The following SPTAN1 variants were observed in gnomAD, a reference collection of about 807,000 sequenced individuals.
SPTAN1 encodes the protein spectrin alpha, non-erythrocytic 1.
In SPTAN1, 61 loss-of-function variants were observed where a neutral mutation model predicts 331.3. The observed-to-expected ratio is 0.18, with a 90% CI of 0.15 to 0.23. The LOEUF is 0.23. SPTAN1 is among the 10% of genes least tolerant of loss of function. SPTAN1 has a pLI of 1.00. For missense variants in SPTAN1, 2,043 were observed against 3,147.9 expected (o/e 0.65, Z 8.40); for synonymous variants, 1,153 against 1,173.9 (o/e 0.98, Z 0.36).
intron 3 of SPTAN1, among the ~76,000 whole-genome samples, chr9:128,571,982 G>A (rs541986331): frequency 2.3e-4 from 35 of 152,204 alleles, no homozygotes; most frequent in African/African-American, 7.7e-4. Flanking sequence ...TCAGCCTCCC[G>A]AGTAGCCGGC....
At chr9:128,587,439 C>G (rs1852801989) in intron 19 of SPTAN1, among the ~76,000 whole-genome samples, 167 bp from the exon 20 acceptor site, 1 of 152,122 alleles carries the variant, frequency 6.6e-6, no homozygotes, top group African/African-American at 2.4e-5. Context: ...AGATGAGAAT[C>G]CTGAAAAACT....
At position 128,633,196 on chromosome 9, in the gene SPTAN1, T is replaced by C; in HGVS notation, c.7309-13T>C. 6.2e-7 allele frequency: 1 copy of C among 1,613,634 alleles called. No homozygotes were observed. Among genetic ancestry groups the C allele is most frequent in the Non-Finnish European group, 8.5e-7 (1 of 1,179,792 alleles). On this transcript the variant is annotated splice_polypyrimidine_tract_variant and intron_variant, in intron 56 of 56. Coordinates refer to ENST00000372739, the MANE Select transcript of SPTAN1 (RefSeq NM_001130438.3). The stretch of plus-strand genomic sequence containing the variant: ...GCTGGCTCAGGCACCAGGTGCCATC[T>C]CTTACCCCACAGAACCTGACCCGGG...
intron 25 of SPTAN1, 62 bp downstream of exon 25, chr9:128,598,566 G>T (rs1252139140): frequency 1.5e-6 from 2 of 1,323,034 alleles, no homozygotes; most frequent in Non-Finnish European, 2.1e-6. Context: ...TGTTCCTCTT[G>T]TGTCTGTCAT....
At chr9:128,632,040 C>A in intron 52 of SPTAN1, 87 bp from the exon 53 acceptor site, 1 of 1,415,066 alleles carries the variant, frequency 7.1e-7, no homozygotes, top group Non-Finnish European at 9.8e-7. Flanking sequence ...AGGCCTGGAG[C>A]AGGAACCAGA....
At chr9:128,595,235 G>C (rs1037958201) in intron 24 of SPTAN1, among the ~76,000 whole-genome samples, 6 of 151,986 alleles carry the variant, frequency 3.9e-5, no homozygotes, top group African/African-American at 4.8e-5. Flanking sequence ...TCAGCCACCC[G>C]AGTAGCTGGG....
chr9:128,594,124 A>G, intron 23 of SPTAN1, 51 bp from the exon 24 acceptor site: 4 of 1,586,686 alleles, frequency 2.5e-6, no homozygotes, highest in Non-Finnish European at 3.5e-6. Flanking sequence ...GTTAGCATCT[A>G]CAGCTAACTG....
chr9:128,577,277 G>T lies in SPTAN1; in HGVS notation c.930+4G>T. On this transcript the variant is annotated splice_donor_region_variant and intron_variant, in intron 7 of 56. Coordinates refer to ENST00000372739, the MANE Select transcript of SPTAN1 (RefSeq NM_001130438.3). The surrounding 1 kb of genome is among the most constrained non-coding windows in gnomAD (Gnocchi z 4.2). The stretch of plus-strand genomic sequence containing the variant: ...TCTTGCTGCTCTAGAAGACAAGGTG[G>T]GTTTTACAAGCAGCTGATTCTGTAA... The T allele has an allele frequency of 1.2e-6, 2 of 1,614,208 alleles. No homozygotes were observed. Among genetic ancestry groups the T allele is most frequent in the Non-Finnish European group, 1.7e-6 (2 of 1,180,032 alleles).
At chr9:128,587,753 AC>A (rs1340608569) in intron 20 of SPTAN1, 55 bp downstream of exon 20, 8 of 1,483,066 alleles carry the variant, frequency 5.4e-6, no homozygotes, top group Non-Finnish European at 7.5e-6. Context: ...GGACTCAGAT[AC>A]TGTCAGCAGG....
At position 128,632,920 on chromosome 9, in the gene SPTAN1, G is replaced by C. The variant is rs1378683072; in HGVS notation, c.7273G>C (p.Gly2425Arg). 1.2e-6 allele frequency: 2 copies of C among 1,613,462 alleles called. No individual in the cohort carries two copies. ...CGCCTTCCGGGCCCTCAGCTCAGAGGGAAAGCCTTACGTGACCAAGGAGGA... is the reference window on the plus strand; with the variant it reads ...CGCCTTCCGGGCCCTCAGCTCAGAGCGAAAGCCTTACGTGACCAAGGAGGA... Reference protein sequence around the residue: ...ESAFRALSSEGKPYVTKEELY... With the variant: ...ESAFRALSSERKPYVTKEELY... The change falls in exon 56 of 57, where the codon GGA becomes CGA. Residue 2425 changes from glycine (G) to arginine (R), a missense_variant. Gly to Arg is a moderately radical substitution (Grantham distance 125, BLOSUM62 -2). Coordinates refer to ENST00000372739, the MANE Select transcript of SPTAN1 (RefSeq NM_001130438.3).
rs760697173 is a variant in SPTAN1 at position 128,609,206 on chromosome 9, G to A, written c.4680G>A (p.Val1560=). 1 of 1,614,224 alleles carries A rather than the reference G, an allele frequency of 6.2e-7. No individual in the cohort carries two copies. Among genetic ancestry groups the A allele is most frequent in the Non-Finnish European group, 8.5e-7 (1 of 1,180,044 alleles). The change falls in exon 36 of 57, where the codon GTG becomes GTA. Residue 1560 remains valine, a synonymous_variant. Coordinates refer to ENST00000372739, the MANE Select transcript of SPTAN1 (RefSeq NM_001130438.3). ...SQTLQQFSRD[V]DEIEAWISEK... is the part of the protein sequence containing the mutation. ...CCCTCCAACAGTTCAGCCGGGATGT[G>A]GATGAGATTGAGGCTTGGATCAGTG...
In SPTAN1 at chr9:128,609,263, C is replaced by T. The variant is rs1856297432; in HGVS notation, c.4737C>T (p.Tyr1579=). 6.2e-7 allele frequency: 1 copy of T among 1,614,114 alleles called. No individual in the cohort carries two copies. Among genetic ancestry groups the T allele is most frequent in the African/African-American group, 1.3e-5 (1 of 74,938 alleles). ...EKLQTASDES[Y]KDPTNIQLSK... ...TGCAAACAGCGAGTGATGAGTCGTA[C>T]AAGGATCCCACCAACATCCAGGTAA... is the stretch of plus-strand genomic sequence containing the variant. Residue 1579 remains tyrosine (Y), a synonymous_variant, in exon 36 of 57, where the codon TAC becomes TAT. Coordinates refer to ENST00000372739, the MANE Select transcript of SPTAN1 (RefSeq NM_001130438.3).
chr9:128,627,624 G>A lies in SPTAN1; in HGVS notation c.6689+126G>A, dbSNP rs1192256761. 2.9e-6 allele frequency: 3 copies of A among 1,030,482 alleles called. No individual in the cohort carries two copies. The highest frequency in any genetic ancestry group is 4.4e-6 in the Non-Finnish European group (3 of 677,456). The allele number at this position is 1,030,482 out of a possible 1,614,324, so 63.8% of individuals were successfully genotyped here. Reference sequence around the variant, plus strand: ...CCAGAGGCAGCCTGGGAATAAAGCTGGGCTGGCAACGCCTGGTCGGGCTCT... The same window carrying A: ...CCAGAGGCAGCCTGGGAATAAAGCTAGGCTGGCAACGCCTGGTCGGGCTCT... On this transcript the variant is annotated intron_variant, in intron 50 of 56. Coordinates refer to ENST00000372739, the MANE Select transcript of SPTAN1 (RefSeq NM_001130438.3). The surrounding 1 kb of genome is among the most constrained non-coding windows in gnomAD (Gnocchi z 4.9).
rs536263217 is a variant in SPTAN1, at chr9:128,571,583, C to G, written c.363+2686C>G. Among the ~76,000 whole-genome samples, 438 of 152,038 alleles carry G rather than the reference C, an allele frequency of 2.9e-3. 2 individuals carry two copies. Among genetic ancestry groups the G allele is most frequent in the Non-Finnish European group, 5.6e-3 (383 of 67,998 alleles). On this transcript the variant is annotated intron_variant, in intron 3 of 56. Coordinates refer to ENST00000372739, the MANE Select transcript of SPTAN1 (RefSeq NM_001130438.3). ...TTGGGCAACAAGAGCGAAATTCTGT[C>G]TGAAAAAAGTAAAAAAATAAAATAA...
chr9:128,566,263 G>A (rs911968015), intron 1 of SPTAN1, among the ~76,000 whole-genome samples: 3 of 152,084 alleles, frequency 2.0e-5, no homozygotes, highest in Non-Finnish European at 2.9e-5. Flanking sequence ...TCACCTTGTT[G>A]CCCAGCTGCT....
intron 36 of SPTAN1, 89 bp downstream of exon 36, chr9:128,609,373 C>T: frequency 6.3e-7 from 1 of 1,577,570 alleles, no homozygotes; most frequent in East Asian, 2.2e-5. Flanking sequence ...AAACAATCTC[C>T]TTGCACCCAT....
chr9:128,621,100 C>T (rs1857792690), intron 44 of SPTAN1, 58 bp from the exon 45 acceptor site: 3 of 1,501,096 alleles, frequency 2.0e-6, no homozygotes, highest in Non-Finnish European at 2.8e-6. Context: ...GTCCCCGGGG[C>T]CTAGCCCACA....
chr9:128,559,000 CACTA>C lies in SPTAN1; in HGVS notation c.-4+6307_-4+6310del, dbSNP rs547200980. Among the ~76,000 whole-genome samples the C allele has an allele frequency of 7.9e-5, 12 of 152,310 alleles. No homozygotes were observed. In the South Asian group the frequency reaches 1.0e-3, roughly 13 times the overall value. On this transcript the variant is annotated intron_variant, in intron 1 of 56. Coordinates refer to ENST00000372739, the MANE Select transcript of SPTAN1 (RefSeq NM_001130438.3). ...GTCAGGTTAAGAGGGGGGAAACTCT[CACTA>C]ACCCATAATGTTTTTTGGTGTCTCC... is the stretch of plus-strand genomic sequence containing the variant.
At chr9:128,623,490 G>A (rs1858223577) in intron 45 of SPTAN1, among the ~76,000 whole-genome samples, 2 of 147,464 alleles carry the variant, frequency 1.4e-5, no homozygotes, top group African/African-American at 5.0e-5. Context: ...GAGTCTTGCT[G>A]TGTTGCCCAG....
chr9:128,609,789 A>C, intron 37 of SPTAN1, 124 bp downstream of exon 37: 1 of 629,908 alleles, frequency 1.6e-6, no homozygotes. Flanking sequence ...CATCCTTTTC[A>C]TTTCTAATCA....
Sources: allele counts gnomAD v4.1 joint callset (sites outside exome capture counted in the v4.1 genomes callset), GRCh38; gene constraint gnomAD v4.1.1; non-coding constraint Gnocchi (gnomAD v3.1); transcripts MANE v1.5; gene names NCBI Gene and HGNC (gene_info 2026-07-23, HGNC 2026-07-21).